KCNQ1: variants seen among roughly 807,000 people sequenced by gnomAD.
The protein encoded by KCNQ1 is potassium voltage-gated channel subfamily KQT member 1.
A neutral mutation model predicts 72.4 loss-of-function variants in KCNQ1; 49 were observed. That is an observed-to-expected ratio of 0.68 (90% confidence interval 0.54 to 0.86). The LOEUF is 0.86. Ranked by LOEUF, KCNQ1 falls within the 40% of genes least tolerant of loss-of-function variation. KCNQ1 has a pLI of 0.00. For synonymous variants in KCNQ1, 450 were observed against 412.6 expected (o/e 1.09, Z -1.10); for missense variants, 790 against 945.1 (o/e 0.84, Z 2.15).
At position 2,670,359 on chromosome 11, in the gene KCNQ1, AG is replaced by A; in HGVS notation, c.1514+8279del. 2.5e-6 allele frequency: 1 copy of A among 398,560 alleles called. No individual in the cohort carries two copies. The highest frequency in any genetic ancestry group is 4.4e-6 in the Non-Finnish European group (1 of 226,056). The allele number at this position is 398,560 out of a possible 1,614,324, so 24.7% of individuals were successfully genotyped here. The stretch of plus-strand genomic sequence containing the variant: ...CAGACTCAGTGGCTTTCAGATGGTT[AG>A]TATAGGCTGAAATTCCAAGAGCATT... On this transcript the variant is annotated intron_variant, in intron 11 of 15. Transcript: ENST00000155840. This position sits in a 1 kb window ranked among gnomAD's most constrained non-coding sequence, Gnocchi z 4.9.
intron 10 of KCNQ1, chr11:2,622,091 A>G (rs1268546114): frequency 1.0e-5 from 4 of 398,126 alleles, no homozygotes; most frequent in Admixed American, 4.4e-5. Flanking sequence ...TTGTCTGAAG[A>G]TATTTTTAAG....
chr11:2,738,777 TG>T (rs1165163254), intron 11 of KCNQ1, among the ~76,000 whole-genome samples: 3 of 152,126 alleles, frequency 2.0e-5, no homozygotes, highest in African/African-American at 7.2e-5. Flanking sequence ...AGACAGACCC[TG>T]GGGGGATTGT....
At chr11:2,718,116 G>A (rs567472299) in intron 11 of KCNQ1, among the ~76,000 whole-genome samples, 1 of 152,208 alleles carries the variant, frequency 6.6e-6, no homozygotes, top group Non-Finnish European at 1.5e-5. Flanking sequence ...GCCCCGTCCT[G>A]GCTTAAACAC....
Position 2,767,089 on chromosome 11 carries a change from AC to A in KCNQ1, c.1515-1752del, listed in dbSNP as rs1172589643. On this transcript the variant is annotated intron_variant, in intron 11 of 15. Coordinates refer to ENST00000155840, the MANE Select transcript of KCNQ1 (RefSeq NM_000218.3). The surrounding 1 kb of genome is among the most constrained non-coding windows in gnomAD (Gnocchi z 4.6). ...AGGCTGAGGCAGAAAAATCACTTGA[AC>A]CCGGGAGGCGGAGGCTGCAGTGAGC... 3.3e-5 allele frequency among the ~76,000 whole-genome samples: 5 copies of A among 152,166 alleles called. No homozygotes were observed. The East Asian group carries it at 9.7e-4, about 29-fold the overall frequency.
At chr11:2,504,601 A>C (rs1371094286) in intron 1 of KCNQ1, among the ~76,000 whole-genome samples, 1 of 152,128 alleles carries the variant, frequency 6.6e-6, no homozygotes, top group African/African-American at 2.4e-5. Context: ...TACAAAAAAC[A>C]GGAAAATTAG....
At chr11:2,569,680 T>G (rs953429465) in intron 2 of KCNQ1, among the ~76,000 whole-genome samples, 1 of 152,238 alleles carries the variant, frequency 6.6e-6, no homozygotes, top group African/African-American at 2.4e-5. Context: ...ACACCCCGGC[T>G]GCCTGGGCGC....
At chr11:2,765,703 CTT>C (rs1846484933) in intron 11 of KCNQ1, among the ~76,000 whole-genome samples, 1 of 152,176 alleles carries the variant, frequency 6.6e-6, no homozygotes, top group African/African-American at 2.4e-5. Flanking sequence ...TGAATTGACA[CTT>C]TTATAAATAG....
chr11:2,755,349 C>T (rs1846282567), intron 11 of KCNQ1, among the ~76,000 whole-genome samples: 1 of 152,190 alleles, frequency 6.6e-6, no homozygotes, highest in Non-Finnish European at 1.5e-5. Context: ...CTCCCTGGCT[C>T]AAACGATTCT....
chr11:2,453,227 G>T (rs571209382), intron 1 of KCNQ1, among the ~76,000 whole-genome samples: 13 of 152,160 alleles, frequency 8.5e-5, no homozygotes, highest in Non-Finnish European at 1.8e-4. Flanking sequence ...TACAGAATTA[G>T]CCGGGCGTGG....
chr11:2,560,018 AG>A (rs1848135265), intron 2 of KCNQ1, among the ~76,000 whole-genome samples: 1 of 149,168 alleles, frequency 6.7e-6, no homozygotes, highest in Non-Finnish European at 1.5e-5. Context: ...CTGTGGGGAG[AG>A]GCAGCGTCCC....
intron 11 of KCNQ1, among the ~76,000 whole-genome samples, chr11:2,761,252 A>G (rs749915415): frequency 1.3e-5 from 2 of 151,490 alleles, no homozygotes; most frequent in Non-Finnish European, 2.9e-5. Flanking sequence ...CCTCCGGTCA[A>G]TGGTCTGCCG....
intron 15 of KCNQ1, among the ~76,000 whole-genome samples, chr11:2,791,601 A>C (rs1847023764): frequency 6.6e-6 from 1 of 151,868 alleles, no homozygotes; most frequent in African/African-American, 2.4e-5. Context: ...CGGGGAAGGA[A>C]GGACGGGGCG....
chr11:2,615,838 A>G, intron 10 of KCNQ1: 5 of 398,030 alleles, frequency 1.3e-5, no homozygotes, highest in Non-Finnish European at 2.2e-5. Context: ...TTCTTGTGGT[A>G]TATTTGTCTG....
At chr11:2,474,608 C>T (rs1846544017) in intron 1 of KCNQ1, among the ~76,000 whole-genome samples, 1 of 118,904 alleles carries the variant, frequency 8.4e-6, no homozygotes, top group Non-Finnish European at 2.0e-5. Flanking sequence ...CTTCATGCGT[C>T]AGCTGGAGGC....
Position 2,486,498 on chromosome 11 carries a change from C to G in KCNQ1, c.386+41014C>G, listed in dbSNP as rs531266887. 6.6e-6 allele frequency among the ~76,000 whole-genome samples: 1 copy of G among 152,138 alleles called. No individual in the cohort carries two copies. Among genetic ancestry groups the G allele is most frequent in the Non-Finnish European group, 1.5e-5 (1 of 68,042 alleles). On this transcript the variant is annotated intron_variant, in intron 1 of 15. Coordinates refer to ENST00000155840, the MANE Select transcript of KCNQ1 (RefSeq NM_000218.3). The surrounding 1 kb of genome is among the most constrained non-coding windows in gnomAD (Gnocchi z 5.0). ...TTTGTACAAAAATTTTTAATGTTCA[C>G]GAAGTCCAAGTTGTCTACTTTTTGT... is the stretch of plus-strand genomic sequence containing the variant.
intron 11 of KCNQ1, chr11:2,697,963 C>A: frequency 2.5e-6 from 1 of 398,636 alleles, no homozygotes; most frequent in Non-Finnish European, 4.4e-6. Flanking sequence ...CACCCATAAT[C>A]AAGCAACTCA....
chr11:2,744,538 A>G (rs1329595604), intron 11 of KCNQ1, among the ~76,000 whole-genome samples: 2 of 152,194 alleles, frequency 1.3e-5, no homozygotes, highest in African/African-American at 2.4e-5. Flanking sequence ...TCTCTCATTC[A>G]TTCATTTATT....
chr11:2,500,192 G>T (rs1406206031), intron 1 of KCNQ1, among the ~76,000 whole-genome samples: 1 of 152,178 alleles, frequency 6.6e-6, no homozygotes, highest in Non-Finnish European at 1.5e-5. Flanking sequence ...TCCTTGAGCA[G>T]TGGTTTGTAG....
At chr11:2,716,180 G>A (rs1343133551) in intron 11 of KCNQ1, among the ~76,000 whole-genome samples, 2 of 152,118 alleles carry the variant, frequency 1.3e-5, no homozygotes, top group Admixed American at 1.3e-4. Context: ...TTTCACTTTT[G>A]GAGGGGTCGT....
Sources: gnomAD v4.1 joint callset for allele counts (sites outside exome capture counted in the v4.1 genomes callset) on GRCh38, gnomAD v4.1.1 for gene constraint, Gnocchi (gnomAD v3.1) non-coding constraint, MANE v1.5 for transcripts, NCBI Gene and HGNC (gene_info 2026-07-23, HGNC 2026-07-21) for gene names.